NFATC2: variants seen among roughly 807,000 people sequenced by gnomAD.
NFATC2 encodes the protein nuclear factor of activated T-cells, cytoplasmic 2.
In NFATC2, 22 loss-of-function variants were observed where a neutral mutation model predicts 87.3. The ratio of observed to expected loss-of-function variants is 0.25; its 90% CI spans 0.18 to 0.36. The LOEUF (loss-of-function observed/expected upper bound fraction) is 0.36, where lower values mean the gene tolerates loss of function less well. NFATC2 is among the 10% of genes least tolerant of loss of function. The pLI, the probability that NFATC2 is intolerant of heterozygous loss-of-function variation, is 1.00. For missense variants in NFATC2, 1,149 were observed against 1,259.1 expected (o/e 0.91, Z 1.32); for synonymous variants, 565 against 542.2 (o/e 1.04, Z -0.58).
At chr20:51,479,105 G>A (rs910234912) in intron 3 of NFATC2, among the ~76,000 whole-genome samples, 1 of 150,624 alleles carries the variant, frequency 6.6e-6, no homozygotes, top group African/African-American at 2.5e-5. Context: ...AAATGCTATA[G>A]ATCAGGGCTT....
At chr20:51,416,320 G>A (rs1426472225) in intron 9 of NFATC2, among the ~76,000 whole-genome samples, 1 of 152,180 alleles carries the variant, frequency 6.6e-6, no homozygotes, top group African/African-American at 2.4e-5. Flanking sequence ...GGTCCAGAGA[G>A]AAAACAGAGG....
chr20:51,409,981 T>C (rs6126224), intron 9 of NFATC2, among the ~76,000 whole-genome samples: 93,988 of 151,338 alleles, frequency 0.62, 30,670 homozygotes, highest in Non-Finnish European at 0.74. Flanking sequence ...GAAGCTGAGG[T>C]GGGCGGATCA....
chr20:51,521,997 T>A (rs112935558), intron 2 of NFATC2, among the ~76,000 whole-genome samples: 7 of 152,314 alleles, frequency 4.6e-5, no homozygotes, highest in African/African-American at 1.7e-4. Flanking sequence ...GTCCATGTGG[T>A]GTGCAGGCAT....
At chr20:51,395,829 A>T (rs148041613) in intron 10 of NFATC2, among the ~76,000 whole-genome samples, 1 of 152,040 alleles carries the variant, frequency 6.6e-6, no homozygotes, top group African/African-American at 2.4e-5. Flanking sequence ...ATGATGATAT[A>T]CCAGGGGTCA....
intron 6 of NFATC2, among the ~76,000 whole-genome samples, chr20:51,451,791 GGA>G (rs1985823471): frequency 6.6e-6 from 1 of 152,184 alleles, no homozygotes; most frequent in Non-Finnish European, 1.5e-5. Flanking sequence ...GCACGCCTTA[GGA>G]GAGTCTAATG....
intron 2 of NFATC2, among the ~76,000 whole-genome samples, chr20:51,518,551 C>CTT (rs112544544): frequency 4.0e-5 from 6 of 151,564 alleles, no homozygotes; most frequent in African/African-American, 4.9e-5. Flanking sequence ...ACCCTGCAGT[C>CTT]CTTTTTTTTG....
At chr20:51,463,609 C>T (rs1382614448) in intron 5 of NFATC2, among the ~76,000 whole-genome samples, 3 of 152,116 alleles carry the variant, frequency 2.0e-5, no homozygotes, top group Non-Finnish European at 4.4e-5. Flanking sequence ...CCCAGGCAGC[C>T]GGGACAGAGA....
chr20:51,406,218 C>CTATCT (rs1474442546), intron 9 of NFATC2, among the ~76,000 whole-genome samples: 2 of 152,214 alleles, frequency 1.3e-5, no homozygotes. Context: ...CAGTGTGGCT[C>CTATCT]AGGCTACTTG....
chr20:51,556,967 G>A (rs578240710), intron 1 of NFATC2, among the ~76,000 whole-genome samples: 4 of 152,248 alleles, frequency 2.6e-5, no homozygotes, highest in South Asian at 4.2e-4. Context: ...TCCAGACTTC[G>A]TGGCGGGCTG....
At chr20:51,394,391 A>AC (rs1986752592) in intron 10 of NFATC2, among the ~76,000 whole-genome samples, 1 of 21,896 alleles carries the variant, frequency 4.6e-5, no homozygotes, top group Non-Finnish European at 8.1e-5. Context: ...GTCCCCCCTC[A>AC]GCACTGTTCC....
intron 9 of NFATC2, among the ~76,000 whole-genome samples, chr20:51,429,356 G>A (rs529508836): frequency 2.2e-4 from 33 of 152,236 alleles, no homozygotes; most frequent in Admixed American, 4.6e-4. Context: ...CATAACTAGT[G>A]GCACTTGCTG....
chr20:51,431,913 T>C (rs1982770518), intron 9 of NFATC2, among the ~76,000 whole-genome samples, 154 bp downstream of exon 9: 1 of 152,126 alleles, frequency 6.6e-6, no homozygotes, highest in Non-Finnish European at 1.5e-5. Flanking sequence ...TAGGGGTGGC[T>C]TTCAGGGTCA....
intron 3 of NFATC2, among the ~76,000 whole-genome samples, chr20:51,485,671 A>T (rs1489427691): frequency 6.6e-6 from 1 of 152,102 alleles, no homozygotes; most frequent in East Asian, 1.9e-4. Context: ...TGGCATTGGC[A>T]CTTAATGTGT....
At chr20:51,445,949 G>A (rs191756259) in intron 6 of NFATC2, among the ~76,000 whole-genome samples, 59 of 152,214 alleles carry the variant, frequency 3.9e-4, no homozygotes, top group African/African-American at 1.3e-3. Flanking sequence ...GACTCTTCTC[G>A]GCCCTAAGCT....
At chr20:51,450,679 G>A (rs574609609) in intron 6 of NFATC2, among the ~76,000 whole-genome samples, 5 of 152,308 alleles carry the variant, frequency 3.3e-5, no homozygotes, top group South Asian at 4.1e-4. Context: ...CGAGTCCCCT[G>A]GATTCTCCAA....
chr20:51,435,052 A>C (rs574860334), intron 8 of NFATC2, 136 bp downstream of exon 8: 3 of 1,083,946 alleles, frequency 2.8e-6, no homozygotes, highest in Admixed American at 4.7e-5. Flanking sequence ...GCTGTCTCAC[A>C]GATGATGCAA....
At chr20:51,434,101 G>A (rs939496449) in intron 8 of NFATC2, among the ~76,000 whole-genome samples, 4 of 152,194 alleles carry the variant, frequency 2.6e-5, no homozygotes, top group African/African-American at 9.6e-5. Context: ...CCTGAACCCT[G>A]CCCTGATAGA....
At position 51,432,628 on chromosome 20, in the gene NFATC2, G is replaced by A. The variant is rs1431571852; in HGVS notation, c.2161C>T (p.Leu721Phe). The change falls in exon 9 of 11, where the codon CTC becomes TTC. Residue 721 changes from leucine to phenylalanine, a missense_variant. Physicochemically the swap from Leu to Phe is conservative, Grantham distance 22. Around this residue, in one of 3 missense-constraint regions of NFATC2, gnomAD observed 581 missense variants for 649.7 expected, o/e 0.89. Transcript: ENST00000371564. The surrounding 1 kb of genome is among the most constrained non-coding windows in gnomAD (Gnocchi z 4.6). ...HPMVAESPSC[L>F]VATMAPCQQF... ...TGGCAGGGAGCCATGGTGGCCACGA[G>A]GCAGGAGGGGGACTCGGCCACCATC... 8 of 1,536,148 alleles carry A rather than the reference G, an allele frequency of 5.2e-6. No individual in the cohort carries two copies. Among genetic ancestry groups the A allele is most frequent in the Admixed American group, 4.1e-5 (2 of 48,704 alleles).
chr20:51,557,399 G>T (rs2076987941), intron 1 of NFATC2, among the ~76,000 whole-genome samples: 1 of 152,220 alleles, frequency 6.6e-6, no homozygotes, highest in South Asian at 2.1e-4. Flanking sequence ...GGGGAGGACG[G>T]GAGAGAGGAT....
Sources: allele counts gnomAD v4.1 joint callset (sites outside exome capture counted in the v4.1 genomes callset), GRCh38; gene constraint gnomAD v4.1.1; regional missense constraint gnomAD v4.1.1; non-coding constraint Gnocchi (gnomAD v3.1); transcripts MANE v1.5; gene names NCBI Gene and HGNC (gene_info 2026-07-23, HGNC 2026-07-21).